The following CDH23 variants were observed in gnomAD, a reference collection of about 807,000 sequenced individuals.
The protein encoded by CDH23 is cadherin-23.
CDH23 carries 189 observed loss-of-function variants against 317.1 expected under a neutral mutation model. The ratio of observed to expected loss-of-function variants is 0.60; its 90% confidence interval spans 0.53 to 0.67. The LOEUF is 0.67. CDH23 is among the 30% of genes least tolerant of loss of function. The probability of loss-of-function intolerance (pLI) is 0.00; values close to 1 mark genes in which losing one functional copy is unlikely to be tolerated. For synonymous variants in CDH23, 1,839 were observed against 1,876.8 expected, an observed-to-expected ratio of 0.98 and a Z score of 0.52; for missense variants, 4,401 against 4,592.4, an observed-to-expected ratio of 0.96 and a Z score of 1.20.
intron 11 of CDH23, among the ~76,000 whole-genome samples, chr10:71,629,507 T>C (rs957018880): frequency 1.3e-5 from 2 of 152,022 alleles, no homozygotes; most frequent in African/African-American, 2.4e-5. Context: ...CTCACAGGAA[T>C]GAGATGGCAA....
At chr10:71,715,311 ATGCTTGGAGAGCCCTGTT>A (rs963091321) in intron 28 of CDH23, 5 of 152,186 alleles carry the variant, frequency 3.3e-5, no homozygotes, top group Non-Finnish European at 5.9e-5. Flanking sequence ...TGCCAAGACC[ATGCTTGGAGAGCCCTGTT>A]TGCTCCTCCT....
chr10:71,685,545 AC>A (rs989278596), intron 18 of CDH23, among the ~76,000 whole-genome samples: 1 of 152,156 alleles, frequency 6.6e-6, no homozygotes, highest in African/African-American at 2.4e-5. Flanking sequence ...GGGGGTAAGA[AC>A]CCACCTCACT....
rs1162084517 is a variant in CDH23 at position 71,812,485 on chromosome 10, A to G, written c.9386A>G (p.Asn3129Ser). The G allele has an allele frequency of 2.6e-6, 4 of 1,559,184 alleles. No homozygotes were observed. Among genetic ancestry groups the G allele is most frequent in the African/African-American group, 1.4e-5 (1 of 73,166 alleles). The change falls in exon 67 of 70, where the codon AAC becomes AGC. Residue 3129 changes from asparagine (N) to serine (S), a missense_variant. This residue lies in a region of CDH23 where 1,144 missense variants were observed against 1,138.2 expected (regional missense o/e 1.01). Transcript: ENST00000224721. ...TTTTCCCTCCCCAACTGCAGAGCCA[A>G]CCCTGTGTGGCTGGATCCCTTCTGT... ...NTNKYSFDGA[N>S]PVWLDPFCRN...
intron 41 of CDH23, among the ~76,000 whole-genome samples, chr10:71,781,216 G>A (rs9416000): frequency 0.52 from 78,432 of 151,894 alleles, 20,672 homozygotes; most frequent in Middle Eastern, 0.71. Flanking sequence ...AAGAGGCTGG[G>A]GGAAAAAACA....
intron 1 of CDH23, among the ~76,000 whole-genome samples, chr10:71,432,681 C>T (rs565543509): frequency 8.5e-5 from 13 of 152,284 alleles, no homozygotes; most frequent in Admixed American, 2.6e-4. Flanking sequence ...TTCTGCTGCT[C>T]GTGGCTGCCT....
intron 3 of CDH23, among the ~76,000 whole-genome samples, chr10:71,505,024 C>T (rs1853556748): frequency 6.6e-6 from 1 of 152,192 alleles, no homozygotes; most frequent in Non-Finnish European, 1.5e-5. Context: ...TTGTAAAGCT[C>T]TACAGTAGTT....
intron 6 of CDH23, among the ~76,000 whole-genome samples, chr10:71,541,161 C>T (rs1455299008): frequency 2.0e-5 from 3 of 152,158 alleles, no homozygotes; most frequent in African/African-American, 4.8e-5. Flanking sequence ...AAACCCCCTT[C>T]TCTCCCTAAT....
intron 6 of CDH23, among the ~76,000 whole-genome samples, chr10:71,541,279 A>G (rs372370687): frequency 6.6e-6 from 1 of 152,130 alleles, no homozygotes; most frequent in Non-Finnish European, 1.5e-5. Context: ...TCACGCAGCA[A>G]TTACCCGCTC....
At chr10:71,719,153 T>G (rs1430285938) in intron 28 of CDH23, among the ~76,000 whole-genome samples, 1 of 152,004 alleles carries the variant, frequency 6.6e-6, no homozygotes, top group African/African-American at 2.4e-5. Flanking sequence ...AACGAGAGAT[T>G]CCTAAGTGCT....
At chr10:71,490,918 C>G (rs1242827146) in intron 3 of CDH23, among the ~76,000 whole-genome samples, 1 of 152,132 alleles carries the variant, frequency 6.6e-6, no homozygotes, top group Non-Finnish European at 1.5e-5. Context: ...GCAAATCTAG[C>G]TGCAGAGCCC....
intron 19 of CDH23, among the ~76,000 whole-genome samples, chr10:71,689,203 T>TGGTGGAGTCAGGGG (rs1564734280): frequency 2.3e-4 from 10 of 43,742 alleles, no homozygotes; most frequent in African/African-American, 3.0e-4. Flanking sequence ...GGAGCCAGGG[T>TGGTGGAGTCAGGGG]TGGTGGAGTC....
chr10:71,784,025 A>T (rs374405883), intron 41 of CDH23, among the ~76,000 whole-genome samples: 1 of 152,160 alleles, frequency 6.6e-6, no homozygotes, highest in Admixed American at 6.5e-5. Context: ...CCAGGGAAGG[A>T]AGCTGCTTGG....
intron 18 of CDH23, 117 bp from the exon 19 acceptor site, chr10:71,687,530 G>A: frequency 1.2e-6 from 1 of 867,708 alleles, no homozygotes; most frequent in East Asian, 2.6e-5. Context: ...ATACGGAGAG[G>A]CCAAAGCTCT....
chr10:71,636,810 C>T (rs10999925), intron 11 of CDH23, among the ~76,000 whole-genome samples: 38,940 of 152,096 alleles, frequency 0.26, 5,901 homozygotes, highest in African/African-American at 0.4. Flanking sequence ...AGTGGAGAAA[C>T]GGAGGCCTGG....
intron 6 of CDH23, among the ~76,000 whole-genome samples, chr10:71,515,956 A>G (rs1369192813): frequency 6.6e-6 from 1 of 152,166 alleles, no homozygotes; most frequent in South Asian, 2.1e-4. Context: ...CATGGGGGCT[A>G]TTTGTTTGGG....
intron 3 of CDH23, among the ~76,000 whole-genome samples, chr10:71,489,662 G>T (rs1432859643): frequency 6.8e-6 from 1 of 147,808 alleles, no homozygotes; most frequent in Non-Finnish European, 1.5e-5. Flanking sequence ...TACTCATTTG[G>T]TTGGTTGAGA....
chr10:71,585,002 G>A (rs546224699), intron 9 of CDH23, among the ~76,000 whole-genome samples: 12 of 152,224 alleles, frequency 7.9e-5, no homozygotes, highest in East Asian at 1.9e-4. Context: ...AGCTGGGGTC[G>A]GGGAAGTGAA....
chr10:71,632,769 T>G (rs1862075316), intron 11 of CDH23, among the ~76,000 whole-genome samples: 1 of 152,214 alleles, frequency 6.6e-6, no homozygotes, highest in Admixed American at 6.5e-5. Context: ...TTCCCTCTGT[T>G]AATCTGTCTT....
rs1842050988 is a variant in CDH23, at chr10:71,814,475, G to C, written c.9739-477G>C. Among the ~76,000 whole-genome samples, 5 of 152,338 alleles carry C rather than the reference G, an allele frequency of 3.3e-5. No individual in the cohort carries two copies. The South Asian group carries it at 1.0e-3, about 32-fold the overall frequency. On this transcript the variant is annotated intron_variant, in intron 69 of 69. Coordinates refer to ENST00000224721, the MANE Select transcript of CDH23 (RefSeq NM_022124.6). ...TGTAATCCCAGCACTTTGGGAGGCT[G>C]AGGCTGGTGGATCATCTGAGGTCAG...
Sources: gnomAD v4.1 joint callset for allele counts (sites outside exome capture counted in the v4.1 genomes callset) on GRCh38, gnomAD v4.1.1 for gene constraint, gnomAD v4.1.1 regional missense constraint, MANE v1.5 for transcripts, NCBI Gene and HGNC (gene_info 2026-07-23, HGNC 2026-07-21) for gene names.